DR1: variants seen among roughly 807,000 people sequenced by gnomAD.
DR1 encodes the protein protein Dr1.
DR1 carries 7 observed loss-of-function variants against 19.9 expected under a neutral mutation model. The observed-to-expected ratio is 0.35, with a 90% CI of 0.20 to 0.66. The LOEUF (loss-of-function observed/expected upper bound fraction) is 0.66. DR1 is among the 30% of genes least tolerant of loss of function. DR1 has a pLI of 0.66. For missense variants in DR1, 98 were observed against 203.7 expected (o/e 0.48, Z 3.16); for synonymous variants, 76 against 72.5 (o/e 1.05, Z -0.24).
intron 1 of DR1, 33 bp downstream of exon 1, chr1:93,346,898 G>A (rs181490005): frequency 6.4e-7 from 1 of 1,558,068 alleles, no homozygotes; most frequent in African/African-American, 1.4e-5. Flanking sequence ...TTTGAATGAG[G>A]TTCTAGGGTA....
rs1667126775 is a variant in DR1 at position 93,366,163 on chromosome 1, G to C, written c.*5524G>C. The stretch of plus-strand genomic sequence containing the variant: ...ATTGACTACTCTGGATATCTAAATG[G>C]ATTCATTCTTATTTCATTTACCATA... On this transcript the variant is annotated 3_prime_UTR_variant, in exon 3 of 3. Transcript: ENST00000370272. 1 of 152,092 alleles carries C rather than the reference G, an allele frequency of 6.6e-6. No individual in the cohort carries two copies. The highest frequency in any genetic ancestry group is 6.5e-5 in the Admixed American group (1 of 15,276). The allele number at this position is 152,092 out of a possible 1,614,324, so 9.4% of individuals were successfully genotyped here.
Position 93,365,869 on chromosome 1 carries a change from T to A in DR1, c.*5230T>A, listed in dbSNP as rs2101643058. On this transcript the variant is annotated 3_prime_UTR_variant, in exon 3 of 3. Transcript: ENST00000370272. ...TTAGCCACACCCAGTTTGAAACAGATGAGGTATGCTATTTCATAACTAGTA... is the reference window on the plus strand; with the variant it reads ...TTAGCCACACCCAGTTTGAAACAGAAGAGGTATGCTATTTCATAACTAGTA... The A allele has an allele frequency of 6.6e-6, 1 of 152,330 alleles. No individual in the cohort carries two copies. Among genetic ancestry groups the A allele is most frequent in the Admixed American group, 6.5e-5 (1 of 15,306 alleles). 9.4% of individuals were successfully genotyped at this position (152,330 alleles called of 1,614,324 possible).
At chr1:93,354,211 CAATTTGA>C in intron 2 of DR1, 140 bp downstream of exon 2, 1 of 714,486 alleles carries the variant, frequency 1.4e-6, no homozygotes, top group Non-Finnish European at 2.2e-6. Flanking sequence ...CAGAGCTGAC[CAATTTGA>C]CTCTGGTTTA....
At chr1:93,353,703 G>A (rs1014160093) in intron 1 of DR1, among the ~76,000 whole-genome samples, 1 of 152,094 alleles carries the variant, frequency 6.6e-6, no homozygotes, top group African/African-American at 2.4e-5. Flanking sequence ...TAACTGATTT[G>A]CCACCTAATA....
In DR1 at chr1:93,364,910, G is replaced by A. The variant is rs1202940141; in HGVS notation, c.*4271G>A. The A allele has an allele frequency of 2.3e-5, 3 of 131,616 alleles. No homozygotes were observed. Among genetic ancestry groups the A allele is most frequent in the African/African-American group, 8.8e-5 (3 of 34,256 alleles). 8.2% of individuals were successfully genotyped at this position (131,616 alleles called of 1,614,324 possible). A position where few individuals can be genotyped will look rare whatever the true frequency, so the allele number is the denominator to read the frequency against. ...GCTCTGTCACCCAGGCTGGAATGCAGTGGCGCGATCTCGGCTCACTGCAAG... is the reference window on the plus strand; with the variant it reads ...GCTCTGTCACCCAGGCTGGAATGCAATGGCGCGATCTCGGCTCACTGCAAG... On this transcript the variant is annotated 3_prime_UTR_variant, in exon 3 of 3. Coordinates refer to ENST00000370272, the MANE Select transcript of DR1 (RefSeq NM_001938.3).
rs1370586401 is a variant in DR1, at chr1:93,362,511, C to A, written c.*1872C>A. ...CTGATAATGTATTATACGTTTGAAG[C>A]CTAGTGACTTTTCATTTTGACATTC... On this transcript the variant is annotated 3_prime_UTR_variant, in exon 3 of 3. Coordinates refer to ENST00000370272, the MANE Select transcript of DR1 (RefSeq NM_001938.3). 2.0e-5 allele frequency: 3 copies of A among 150,068 alleles called. No homozygotes were observed. Among genetic ancestry groups the A allele is most frequent in the African/African-American group, 7.4e-5 (3 of 40,724 alleles). 9.3% of individuals were successfully genotyped at this position (150,068 alleles called of 1,614,324 possible).
chr1:93,355,118 C>T (rs1215418148), intron 2 of DR1: 1 of 151,596 alleles, frequency 6.6e-6, no homozygotes, highest in Non-Finnish European at 1.5e-5. Flanking sequence ...TATTGCAGAC[C>T]ACCTAGAGAA....
In DR1 at chr1:93,365,192, C is replaced by T. The variant is rs1217209208; in HGVS notation, c.*4553C>T. The T allele has an allele frequency of 6.6e-6, 1 of 152,108 alleles. No homozygotes were observed. The highest frequency in any genetic ancestry group is 1.5e-5 in the Non-Finnish European group (1 of 67,992). The allele number at this position is 152,108 out of a possible 1,614,324, so 9.4% of individuals were successfully genotyped here. A position where few individuals can be genotyped will look rare whatever the true frequency, so the allele number is the denominator to read the frequency against. On this transcript the variant is annotated 3_prime_UTR_variant, in exon 3 of 3. Coordinates refer to ENST00000370272, the MANE Select transcript of DR1 (RefSeq NM_001938.3). Reference sequence around the variant, plus strand: ...AATATAGATTGCAGTGGCTAGATTACAGTGACTATTCACAGGCATAATCAT... The same window carrying T: ...AATATAGATTGCAGTGGCTAGATTATAGTGACTATTCACAGGCATAATCAT...
intron 2 of DR1, among the ~76,000 whole-genome samples, chr1:93,356,392 C>G (rs748373229): frequency 5.9e-5 from 9 of 151,994 alleles, no homozygotes. Context: ...TAGATGTGCA[C>G]TAGTGAGCCC....
chr1:93,348,926 G>C (rs1450184825), intron 1 of DR1, among the ~76,000 whole-genome samples: 3 of 151,868 alleles, frequency 2.0e-5, no homozygotes, highest in Non-Finnish European at 4.4e-5. Context: ...AAATTCTTAA[G>C]GTTTATATGT....
At chr1:93,351,991 A>G (rs1306189399) in intron 1 of DR1, among the ~76,000 whole-genome samples, 1 of 152,230 alleles carries the variant, frequency 6.6e-6, no homozygotes, top group Admixed American at 6.5e-5. Context: ...CTTAGGTGCT[A>G]GACACTGTCA....
At chr1:93,355,375 G>T (rs955042444) in intron 2 of DR1, 3 of 152,160 alleles carry the variant, frequency 2.0e-5, no homozygotes, top group African/African-American at 7.2e-5. Context: ...AGGAGACAGG[G>T]TTCCTGTCAT....
rs1308062492 is a variant in DR1, at chr1:93,364,833, T to C, written c.*4194T>C. 1 of 141,780 alleles carries C rather than the reference T, an allele frequency of 7.1e-6. No individual in the cohort carries two copies. Among genetic ancestry groups the C allele is most frequent in the Admixed American group, 7.7e-5 (1 of 13,042 alleles). The allele number at this position is 141,780 out of a possible 1,614,324, so 8.8% of individuals were successfully genotyped here. A position where few individuals can be genotyped will look rare whatever the true frequency, so the allele number is the denominator to read the frequency against. On this transcript the variant is annotated 3_prime_UTR_variant, in exon 3 of 3. Coordinates refer to ENST00000370272, the MANE Select transcript of DR1 (RefSeq NM_001938.3). ...GGTCTCACTATGTTTCCTTTTTCTT[T>C]TTTCTTTTCTTTTCTTTCTTTTTTT...
intron 2 of DR1, among the ~76,000 whole-genome samples, chr1:93,354,449 A>C (rs535675399): frequency 6.6e-6 from 1 of 152,192 alleles, no homozygotes; most frequent in Non-Finnish European, 1.5e-5. Context: ...TCAACTGTGT[A>C]GTTAAATTAG....
intron 2 of DR1, among the ~76,000 whole-genome samples, chr1:93,358,932 A>G (rs1161148085): frequency 2.0e-5 from 3 of 152,190 alleles, no homozygotes; most frequent in Non-Finnish European, 4.4e-5. Flanking sequence ...AGTGGCAGGA[A>G]ATTTCACATA....
rs541076101 is a variant in DR1 at position 93,368,580 on chromosome 1, G to A, written c.*7941G>A. 3 of 152,218 alleles carry A rather than the reference G, an allele frequency of 2.0e-5. No homozygotes were observed. Among genetic ancestry groups the A allele is most frequent in the East Asian group, 1.9e-4 (1 of 5,190 alleles). 9.4% of individuals were successfully genotyped at this position (152,218 alleles called of 1,614,324 possible). On this transcript the variant is annotated 3_prime_UTR_variant, in exon 3 of 3. Coordinates refer to ENST00000370272, the MANE Select transcript of DR1 (RefSeq NM_001938.3). ...TGATTATGCAAATACCTTCTAATACGTTTGTTTCTTTTGTTGTGCCTATAA... is the reference window on the plus strand; with the variant it reads ...TGATTATGCAAATACCTTCTAATACATTTGTTTCTTTTGTTGTGCCTATAA...
chr1:93,352,371 T>C (rs935259437), intron 1 of DR1, among the ~76,000 whole-genome samples: 1 of 152,154 alleles, frequency 6.6e-6, no homozygotes, highest in Non-Finnish European at 1.5e-5. Context: ...TGCCTGGCCA[T>C]GTTGGTGAAT....
In DR1 at chr1:93,346,086, AGCAGCG is replaced by A. The variant is rs969513832; in HGVS notation, c.-539_-534del. On this transcript the variant is annotated 5_prime_UTR_variant, in exon 1 of 3. Transcript: ENST00000370272. ...GTTCCCAGGCGGCCGTCGCCGTTCC[AGCAGCG>A]GCAGCGGCAGCGGCAGCGGCGGACA... 6.2e-5 allele frequency: 13 copies of A among 210,282 alleles called. No homozygotes were observed. The highest frequency in any genetic ancestry group is 1.4e-4 in the African/African-American group (6 of 41,762). 13.0% of individuals were successfully genotyped at this position (210,282 alleles called of 1,614,324 possible).
Position 93,363,185 on chromosome 1 carries a change from C to A in DR1, c.*2546C>A, listed in dbSNP as rs778422477. On this transcript the variant is annotated 3_prime_UTR_variant, in exon 3 of 3. Coordinates refer to ENST00000370272, the MANE Select transcript of DR1 (RefSeq NM_001938.3). ...CCCAGAAGCCCTCCTCTTTCCCCAT[C>A]TTAACACTGTCTTCTTTCTTGCTGA... 6.6e-6 allele frequency: 1 copy of A among 152,166 alleles called. No individual in the cohort carries two copies. Among genetic ancestry groups the A allele is most frequent in the Non-Finnish European group, 1.5e-5 (1 of 68,022 alleles). 9.4% of individuals were successfully genotyped at this position (152,166 alleles called of 1,614,324 possible).
Sources: gnomAD v4.1 joint callset for allele counts (sites outside exome capture counted in the v4.1 genomes callset) on GRCh38, gnomAD v4.1.1 for gene constraint, MANE v1.5 for transcripts, NCBI Gene and HGNC (gene_info 2026-07-23, HGNC 2026-07-21) for gene names.